The following SPOCK1 variants were observed in gnomAD, a reference collection of about 807,000 sequenced individuals.
SPOCK1 encodes testican-1.
SPOCK1 carries 23 observed loss-of-function variants against 55.3 expected under a neutral mutation model. The observed-to-expected ratio is 0.42, with a 90% CI of 0.30 to 0.59. SPOCK1 has a LOEUF of 0.59. SPOCK1 is among the 20% of genes least tolerant of loss of function. SPOCK1 has a pLI of 0.22. For synonymous variants in SPOCK1, 226 were observed against 221.0 expected, an observed-to-expected ratio of 1.02 and a Z score of -0.20; for missense variants, 499 against 552.5, an observed-to-expected ratio of 0.90 and a Z score of 0.97.
chr5:137,330,533 A>C (rs956399018), intron 2 of SPOCK1, among the ~76,000 whole-genome samples: 3 of 152,242 alleles, frequency 2.0e-5, no homozygotes, highest in Admixed American at 2.0e-4. Flanking sequence ...ATTAAAAGTG[A>C]ATGTGAATGC....
intron 2 of SPOCK1, among the ~76,000 whole-genome samples, chr5:137,277,793 C>T (rs1259112478): frequency 1.3e-5 from 2 of 152,214 alleles, no homozygotes; most frequent in East Asian, 3.9e-4. Flanking sequence ...CACCCCTACC[C>T]TCAGGCCCAG....
chr5:137,251,103 G>A (rs1236790526), intron 3 of SPOCK1, among the ~76,000 whole-genome samples: 1 of 152,196 alleles, frequency 6.6e-6, no homozygotes, highest in African/African-American at 2.4e-5. Flanking sequence ...TAATGCAGCA[G>A]GGTCTGAGGT....
At chr5:137,031,978 TAC>T (rs1751789065) in intron 6 of SPOCK1, among the ~76,000 whole-genome samples, 3 of 148,982 alleles carry the variant, frequency 2.0e-5, no homozygotes, top group Non-Finnish European at 3.0e-5. Flanking sequence ...TGTGTATATA[TAC>T]ACACACGCAT....
chr5:137,372,436 C>T (rs1467624075), intron 2 of SPOCK1, among the ~76,000 whole-genome samples: 1 of 152,190 alleles, frequency 6.6e-6, no homozygotes, highest in Non-Finnish European at 1.5e-5. Flanking sequence ...TAAGGAGACA[C>T]CTGCACTGTA....
At chr5:137,280,141 C>G (rs1361783185) in intron 2 of SPOCK1, among the ~76,000 whole-genome samples, 2 of 152,140 alleles carry the variant, frequency 1.3e-5, no homozygotes, top group African/African-American at 2.4e-5. Context: ...GGAAGAGGAA[C>G]AACCAGGGTT....
chr5:137,237,006 T>C (rs1225562360), intron 3 of SPOCK1, among the ~76,000 whole-genome samples: 1 of 152,142 alleles, frequency 6.6e-6, no homozygotes, highest in Non-Finnish European at 1.5e-5. Flanking sequence ...AAAACCACTT[T>C]AGCACTGCTC....
intron 6 of SPOCK1, among the ~76,000 whole-genome samples, chr5:137,005,490 T>C (rs1026649536): frequency 4.0e-5 from 6 of 151,880 alleles, no homozygotes; most frequent in South Asian, 2.1e-4. Context: ...TATAAAACCA[T>C]GGATTAAAAT....
intron 2 of SPOCK1, among the ~76,000 whole-genome samples, chr5:137,406,958 C>T (rs1017069302): frequency 3.3e-5 from 5 of 152,164 alleles, no homozygotes; most frequent in Non-Finnish European, 7.3e-5. Flanking sequence ...CACTGATGCT[C>T]GCAGGAGAAA....
In SPOCK1 at chr5:137,079,541, C is replaced by G. The variant is rs375781289; in HGVS notation, c.475-11712G>C. 4.4e-4 allele frequency among the ~76,000 whole-genome samples: 66 copies of G among 149,588 alleles called. 2 individuals carry two copies. The highest frequency in any genetic ancestry group is 1.0e-3 in the African/African-American group (40 of 40,058). On this transcript the variant is annotated intron_variant, in intron 5 of 10. Coordinates refer to ENST00000394945, the MANE Select transcript of SPOCK1 (RefSeq NM_004598.4). Reference sequence around the variant, plus strand: ...CTACCATCCCATCTGATTCCCCCCCCCCCCGACTTAGTGAAATGTCGTACC... The same window carrying G: ...CTACCATCCCATCTGATTCCCCCCCGCCCCGACTTAGTGAAATGTCGTACC...
chr5:137,197,885 G>A (rs1237775863), intron 3 of SPOCK1, among the ~76,000 whole-genome samples: 4 of 152,182 alleles, frequency 2.6e-5, no homozygotes, highest in African/African-American at 7.2e-5. Flanking sequence ...ACCTGATACA[G>A]TGCCTGACAC....
intron 3 of SPOCK1, among the ~76,000 whole-genome samples, chr5:137,236,262 G>T (rs145701091): frequency 1.3e-5 from 2 of 152,318 alleles, no homozygotes; most frequent in Non-Finnish European, 2.9e-5. Flanking sequence ...GCAGTGGTTT[G>T]CAGTGACGAG....
chr5:137,330,614 C>A (rs943712050), intron 2 of SPOCK1, among the ~76,000 whole-genome samples: 1 of 152,224 alleles, frequency 6.6e-6, no homozygotes, highest in Non-Finnish European at 1.5e-5. Context: ...TGCAACTCAA[C>A]AAATACATAT....
intron 4 of SPOCK1, among the ~76,000 whole-genome samples, chr5:137,126,529 A>G (rs571123612): frequency 2.4e-4 from 36 of 152,228 alleles, no homozygotes; most frequent in African/African-American, 8.2e-4. Flanking sequence ...TTGGGAGGCC[A>G]AAGCGGGTGG....
chr5:136,985,911 G>A (rs1750831826), intron 8 of SPOCK1, among the ~76,000 whole-genome samples: 1 of 152,156 alleles, frequency 6.6e-6, no homozygotes, highest in Admixed American at 6.5e-5. Context: ...TTGTGGCTCT[G>A]GGAGTTCTGC....
chr5:137,463,286 T>C (rs996897741), intron 2 of SPOCK1, among the ~76,000 whole-genome samples: 1 of 152,170 alleles, frequency 6.6e-6, no homozygotes, highest in Non-Finnish European at 1.5e-5. Flanking sequence ...TAAGTGTCCA[T>C]CAACATGTGG....
chr5:137,232,446 C>G (rs1009572574), intron 3 of SPOCK1, among the ~76,000 whole-genome samples: 5 of 152,310 alleles, frequency 3.3e-5, no homozygotes, highest in South Asian at 4.1e-4. Flanking sequence ...GAAAGGCTGT[C>G]TTTTCTCCCT....
intron 2 of SPOCK1, among the ~76,000 whole-genome samples, chr5:137,285,006 A>C (rs1394117200): frequency 6.6e-6 from 1 of 152,204 alleles, no homozygotes; most frequent in Admixed American, 6.5e-5. Context: ...CCAGTTCTCA[A>C]TGTATGGAGA....
In SPOCK1 at chr5:137,165,712, G is replaced by A. The variant is rs996837611; in HGVS notation, c.233-25018C>T. Among the ~76,000 whole-genome samples the A allele has an allele frequency of 3.3e-5, 5 of 152,132 alleles. No individual in the cohort carries two copies. In the South Asian group the frequency reaches 1.0e-3, roughly 31 times the overall value. On this transcript the variant is annotated intron_variant, in intron 3 of 10. Coordinates refer to ENST00000394945, the MANE Select transcript of SPOCK1 (RefSeq NM_004598.4). ...TTCTATCTGATAAATTTAACAAAGA[G>A]ATTGAAATAATTTAAAAGAATCAAG...
At chr5:137,399,821 C>A (rs570347899) in intron 2 of SPOCK1, among the ~76,000 whole-genome samples, 2 of 152,258 alleles carry the variant, frequency 1.3e-5, no homozygotes, top group South Asian at 4.1e-4. Context: ...CAGAGCCCTC[C>A]TGTTCAACCA....
Sources: allele counts gnomAD v4.1 joint callset (sites outside exome capture counted in the v4.1 genomes callset), GRCh38; gene constraint gnomAD v4.1.1; transcripts MANE v1.5; gene names NCBI Gene and HGNC (gene_info 2026-07-23, HGNC 2026-07-21).